Variants in PPFIA2 observed in about 807,000 individuals in gnomAD.
PPFIA2 encodes PPFI scaffold protein A2.
In PPFIA2, 46 loss-of-function variants were observed where a neutral mutation model predicts 175.5. That is an observed-to-expected ratio of 0.26 (90% confidence interval 0.21 to 0.34). The LOEUF is 0.34. PPFIA2 is among the 10% of genes least tolerant of loss of function. The pLI, the probability that PPFIA2 is intolerant of heterozygous loss-of-function variation, is 1.00. For missense variants in PPFIA2, 1,179 were observed against 1,506.1 expected (o/e 0.78, Z 3.60); for synonymous variants, 568 against 511.4 (o/e 1.11, Z -1.49).
intron 4 of PPFIA2, among the ~76,000 whole-genome samples, chr12:81,584,878 T>A (rs1463126654): frequency 8.2e-6 from 1 of 121,590 alleles, no homozygotes; most frequent in Non-Finnish European, 1.6e-5. Context: ...TATTATATAA[T>A]TATATATTAA....
chr12:81,397,293 T>C (rs1170712831), intron 8 of PPFIA2, among the ~76,000 whole-genome samples: 2 of 151,318 alleles, frequency 1.3e-5, no homozygotes, highest in East Asian at 1.9e-4. Context: ...AAACTGGGAG[T>C]TGTCATGCCA....
At chr12:81,695,123 A>G (rs1220541930) in intron 3 of PPFIA2, among the ~76,000 whole-genome samples, 1 of 152,118 alleles carries the variant, frequency 6.6e-6, no homozygotes, top group Non-Finnish European at 1.5e-5. Flanking sequence ...GAGACTTTGA[A>G]CTTTTGAGTT....
intron 7 of PPFIA2, among the ~76,000 whole-genome samples, chr12:81,439,688 T>C (rs1293982214): frequency 6.6e-6 from 1 of 152,218 alleles, no homozygotes; most frequent in African/African-American, 2.4e-5. Context: ...GTTTTCCTTC[T>C]TGAAACGACT....
intron 20 of PPFIA2, 50 bp downstream of exon 20, chr12:81,341,028 T>C (rs2140321731): frequency 6.7e-7 from 1 of 1,493,512 alleles, no homozygotes; most frequent in South Asian, 1.3e-5. Flanking sequence ...GGAAGAGGAA[T>C]ATTTTTGGAA....
chr12:81,318,801 A>C (rs1289438142), intron 22 of PPFIA2, among the ~76,000 whole-genome samples: 2 of 151,710 alleles, frequency 1.3e-5, no homozygotes, highest in Non-Finnish European at 3.0e-5. Context: ...TTAAAAAGTG[A>C]TCATGAACCC....
chr12:81,552,925 A>G lies in PPFIA2; in HGVS notation c.304-95059T>C, dbSNP rs73360695. ...TTGTAATGTAGCCTATTAAAAATCA[A>G]ATGAGTAATTCACATTTTTTCCATA... On this transcript the variant is annotated intron_variant, in intron 4 of 32. Coordinates refer to ENST00000549396, the MANE Select transcript of PPFIA2 (RefSeq NM_003625.5). Among the ~76,000 whole-genome samples, 1,323 of 152,178 alleles carry G rather than the reference A, an allele frequency of 8.7e-3. 14 individuals are homozygous for G. The highest frequency in any genetic ancestry group is 0.03 in the African/African-American group (1,255 of 41,546).
intron 4 of PPFIA2, among the ~76,000 whole-genome samples, chr12:81,479,372 C>T (rs375483532): frequency 2.0e-5 from 3 of 152,144 alleles, no homozygotes; most frequent in South Asian, 2.1e-4. Flanking sequence ...GGTCTTGACT[C>T]TTTATCCAAT....
chr12:81,317,963 T>C (rs1252288737), intron 22 of PPFIA2, among the ~76,000 whole-genome samples: 1 of 151,766 alleles, frequency 6.6e-6, no homozygotes, highest in African/African-American at 2.4e-5. Flanking sequence ...ATAATTATGG[T>C]GAACAATTCC....
rs576352044 is a variant in PPFIA2, at chr12:81,365,208, G to A, written c.1545+1900C>T. On this transcript the variant is annotated intron_variant, in intron 14 of 32. Coordinates refer to ENST00000549396, the MANE Select transcript of PPFIA2 (RefSeq NM_003625.5). ...AGATAAAGATGGAAAGGGAAACACT[G>A]AGAAAAGAGTTTGAGCCTACAGAGG... Among the ~76,000 whole-genome samples, 5 of 151,892 alleles carry A rather than the reference G, an allele frequency of 3.3e-5. No homozygotes were observed. The East Asian group carries it at 9.7e-4, about 29-fold the overall frequency.
intron 14 of PPFIA2, among the ~76,000 whole-genome samples, chr12:81,365,358 T>C (rs1048422279): frequency 1.3e-5 from 2 of 151,748 alleles, no homozygotes; most frequent in African/African-American, 4.8e-5. Context: ...TGAGATATGA[T>C]CTGGGATTTA....
At chr12:81,539,987 T>C (rs1390240882) in intron 4 of PPFIA2, among the ~76,000 whole-genome samples, 1 of 152,050 alleles carries the variant, frequency 6.6e-6, no homozygotes, top group Non-Finnish European at 1.5e-5. Flanking sequence ...CATCCAGGCA[T>C]TATTAGCATT....
At chr12:81,286,531 C>A (rs906487999) in intron 24 of PPFIA2, among the ~76,000 whole-genome samples, 2 of 152,024 alleles carry the variant, frequency 1.3e-5, no homozygotes, top group East Asian at 1.9e-4. Flanking sequence ...CAGGTTTGTA[C>A]CCTGGAGCAA....
At chr12:81,557,347 T>C (rs1351422066) in intron 4 of PPFIA2, among the ~76,000 whole-genome samples, 1 of 151,944 alleles carries the variant, frequency 6.6e-6, no homozygotes, top group Non-Finnish European at 1.5e-5. Flanking sequence ...GATCTTTTAT[T>C]CATCATGATA....
At chr12:81,460,697 G>A (rs2054373195) in intron 4 of PPFIA2, among the ~76,000 whole-genome samples, 2 of 152,046 alleles carry the variant, frequency 1.3e-5, no homozygotes, top group African/African-American at 2.4e-5. Context: ...ATGAACTGAG[G>A]CTTACATCAT....
chr12:81,367,233 T>C (rs2033753553), intron 13 of PPFIA2, 63 bp from the exon 14 acceptor site: 4 of 1,055,490 alleles, frequency 3.8e-6, no homozygotes, highest in Non-Finnish European at 5.0e-6. Context: ...AAAAATATAT[T>C]GATTAATATC....
At chr12:81,752,255 C>T (rs1377145616) in intron 3 of PPFIA2, among the ~76,000 whole-genome samples, 2 of 152,134 alleles carry the variant, frequency 1.3e-5, no homozygotes, top group East Asian at 3.9e-4. Flanking sequence ...ATGATTGCCC[C>T]ATTTTCCACT....
chr12:81,288,492 GA>G (rs1292169384), intron 24 of PPFIA2, among the ~76,000 whole-genome samples: 1 of 151,756 alleles, frequency 6.6e-6, no homozygotes, highest in Non-Finnish European at 1.5e-5. Context: ...AATCATTCTG[GA>G]AAGAGTTAAG....
intron 4 of PPFIA2, among the ~76,000 whole-genome samples, chr12:81,650,350 A>G (rs1469011563): frequency 6.6e-6 from 1 of 151,934 alleles, no homozygotes; most frequent in Non-Finnish European, 1.5e-5. Flanking sequence ...CTCTTTCTCT[A>G]TTGTACCTGA....
chr12:81,696,212 A>C (rs1192086356), intron 3 of PPFIA2, among the ~76,000 whole-genome samples: 1 of 152,204 alleles, frequency 6.6e-6, no homozygotes, highest in African/African-American at 2.4e-5. Context: ...TACACACAGC[A>C]AATGCAAATA....
Sources: gnomAD v4.1 joint callset for allele counts (sites outside exome capture counted in the v4.1 genomes callset) on GRCh38, gnomAD v4.1.1 for gene constraint, MANE v1.5 for transcripts, NCBI Gene and HGNC (gene_info 2026-07-23, HGNC 2026-07-21) for gene names.